SLC39A11: variants seen among roughly 807,000 people sequenced by gnomAD.
SLC39A11 encodes the protein zinc transporter ZIP11.
In SLC39A11, 33 loss-of-function variants were observed where a neutral mutation model predicts 36.1. The observed-to-expected ratio is 0.91, with a 90% CI of 0.69 to 1.22. SLC39A11 has a LOEUF of 1.22. Among genes scored for constraint, SLC39A11 ranks in the 50% most tolerant of loss-of-function variants. The probability of loss-of-function intolerance (pLI) is 0.00; values close to 1 mark genes in which losing one functional copy is unlikely to be tolerated. For synonymous variants in SLC39A11, 166 were observed against 170.3 expected (o/e 0.97, Z 0.20); for missense variants, 432 against 430.3 (o/e 1.00, Z -0.03).
intron 6 of SLC39A11, among the ~76,000 whole-genome samples, chr17:72,845,232 TCACA>T (rs1273628526): frequency 6.6e-6 from 1 of 152,200 alleles, no homozygotes; most frequent in African/African-American, 2.4e-5. Context: ...CAATGGCTCA[TCACA>T]CACAGAGCAA....
intron 6 of SLC39A11, among the ~76,000 whole-genome samples, chr17:72,750,195 A>G (rs112759451): frequency 0.022 from 3,284 of 152,276 alleles, 110 homozygotes; most frequent in African/African-American, 0.073. Flanking sequence ...ATCCCCAGGA[A>G]GTGGATGGCC....
chr17:72,843,411 T>C (rs1336413947), intron 6 of SLC39A11, among the ~76,000 whole-genome samples: 1 of 152,156 alleles, frequency 6.6e-6, no homozygotes. Flanking sequence ...GTTATTAGGA[T>C]GGTGGGGACT....
chr17:72,771,799 G>A (rs903514406), intron 6 of SLC39A11, among the ~76,000 whole-genome samples: 26 of 152,290 alleles, frequency 1.7e-4, no homozygotes, highest in African/African-American at 6.3e-4. Flanking sequence ...AAAATGCAAC[G>A]TCTCACATCA....
At chr17:72,858,456 T>C (rs11868316) in intron 5 of SLC39A11, among the ~76,000 whole-genome samples, 78,168 of 152,100 alleles carry the variant, frequency 0.51, 20,811 homozygotes, top group Non-Finnish European at 0.58. Flanking sequence ...TTTGGCTATT[T>C]GGCCTCCTTT....
chr17:72,654,335 G>A (rs540046335), intron 7 of SLC39A11, among the ~76,000 whole-genome samples: 4 of 152,316 alleles, frequency 2.6e-5, no homozygotes, highest in East Asian at 3.9e-4. Context: ...GGAAGACACT[G>A]TTGAACGTTG....
chr17:72,789,276 G>A (rs556588728), intron 6 of SLC39A11, among the ~76,000 whole-genome samples: 10 of 152,200 alleles, frequency 6.6e-5, no homozygotes, highest in Middle Eastern at 3.4e-3. Context: ...CTCGTGATCC[G>A]CCCGCCTAGG....
rs764326451 is a variant in SLC39A11, at chr17:72,986,053, G to A, written c.307-38178C>T. 5.2e-4 allele frequency among the ~76,000 whole-genome samples: 79 copies of A among 152,290 alleles called. No individual in the cohort carries two copies. The Middle Eastern group carries it at 0.014, about 26-fold the overall frequency. On this transcript the variant is annotated intron_variant, in intron 4 of 9. Coordinates refer to ENST00000255559, the MANE Select transcript of SLC39A11 (RefSeq NM_139177.4). ...GCTCATCCTTCCCTGGAGCCTTGAG[G>A]AGGCACATGGCCCTGCTGACATCTT...
At chr17:72,684,616 T>C (rs9903952) in intron 7 of SLC39A11, among the ~76,000 whole-genome samples, 60,171 of 151,998 alleles carry the variant, frequency 0.4, 12,354 homozygotes, top group East Asian at 0.61. Flanking sequence ...CAAACTCTAT[T>C]TGGCAGCTGG....
intron 6 of SLC39A11, among the ~76,000 whole-genome samples, chr17:72,779,789 C>T (rs1269900293): frequency 6.6e-6 from 1 of 152,218 alleles, no homozygotes; most frequent in Admixed American, 6.5e-5. Flanking sequence ...AGAGGAACAT[C>T]TGAATCCACA....
At chr17:72,905,117 G>C (rs1232286319) in intron 5 of SLC39A11, among the ~76,000 whole-genome samples, 6 of 134,224 alleles carry the variant, frequency 4.5e-5, no homozygotes, top group Non-Finnish European at 9.2e-5. Flanking sequence ...AGCTTGCAGT[G>C]AGCTGAGATC....
At chr17:72,829,093 T>C (rs1194519109) in intron 6 of SLC39A11, among the ~76,000 whole-genome samples, 1 of 152,120 alleles carries the variant, frequency 6.6e-6, no homozygotes, top group East Asian at 1.9e-4. Context: ...GGCTCACACC[T>C]GTAATCCCAG....
intron 6 of SLC39A11, among the ~76,000 whole-genome samples, chr17:72,801,423 C>T (rs1216177024): frequency 6.6e-6 from 1 of 152,206 alleles, no homozygotes; most frequent in African/African-American, 2.4e-5. Flanking sequence ...GACAGGGTTT[C>T]ACCAGGTTGG....
intron 5 of SLC39A11, among the ~76,000 whole-genome samples, chr17:72,851,188 C>T (rs192345599): frequency 1.3e-5 from 2 of 152,160 alleles, no homozygotes; most frequent in Non-Finnish European, 2.9e-5. Context: ...TCTGAGCAAA[C>T]CTTCCTTTTA....
At chr17:73,074,854 T>C (rs2060271767) in intron 3 of SLC39A11, among the ~76,000 whole-genome samples, 1 of 152,220 alleles carries the variant, frequency 6.6e-6, no homozygotes. Context: ...TAAATTGCCT[T>C]TTCACGCCTA....
At chr17:72,950,046 C>A (rs1007295020) in intron 4 of SLC39A11, among the ~76,000 whole-genome samples, 2 of 151,398 alleles carry the variant, frequency 1.3e-5, no homozygotes, top group Admixed American at 1.3e-4. Context: ...GAAAGAGAAC[C>A]TAATGATTCA....
chr17:73,076,485 C>T (rs1408405202), intron 3 of SLC39A11, among the ~76,000 whole-genome samples: 1 of 152,088 alleles, frequency 6.6e-6, no homozygotes, highest in Non-Finnish European at 1.5e-5. Flanking sequence ...GCAATGTACG[C>T]ACAACAAATA....
At position 72,789,388 on chromosome 17, in the gene SLC39A11, G is replaced by T. The variant is rs548285417; in HGVS notation, c.602-52669C>A. Among the ~76,000 whole-genome samples, 4 of 152,310 alleles carry T rather than the reference G, an allele frequency of 2.6e-5. No homozygotes were observed. In the South Asian group the frequency reaches 6.2e-4, roughly 24 times the overall value. On this transcript the variant is annotated intron_variant, in intron 6 of 9. Coordinates refer to ENST00000255559, the MANE Select transcript of SLC39A11 (RefSeq NM_139177.4). Reference sequence around the variant, plus strand: ...ATGCACTGTGACGTGCTATCATGGAGAAGAACAATGGAGGCCACCTCAAAA... The same window carrying T: ...ATGCACTGTGACGTGCTATCATGGATAAGAACAATGGAGGCCACCTCAAAA...
At chr17:73,012,351 C>T (rs2090569702) in intron 4 of SLC39A11, among the ~76,000 whole-genome samples, 1 of 152,068 alleles carries the variant, frequency 6.6e-6, no homozygotes, top group African/African-American at 2.4e-5. Context: ...GGGAATACCC[C>T]ATTTTCCATG....
intron 5 of SLC39A11, among the ~76,000 whole-genome samples, chr17:72,933,622 C>T (rs1415466288): frequency 6.6e-6 from 1 of 152,048 alleles, no homozygotes; most frequent in Non-Finnish European, 1.5e-5. Flanking sequence ...CGGGTTCAAG[C>T]GATTATCTAG....
Sources: gnomAD v4.1 joint callset for allele counts (sites outside exome capture counted in the v4.1 genomes callset) on GRCh38, gnomAD v4.1.1 for gene constraint, MANE v1.5 for transcripts, NCBI Gene and HGNC (gene_info 2026-07-23, HGNC 2026-07-21) for gene names.